CFAP52: variants seen among roughly 807,000 people sequenced by gnomAD.
The protein encoded by CFAP52 is cilia and flagella associated protein 52.
CFAP52 carries 57 observed loss-of-function variants against 70.5 expected under a neutral mutation model. The observed-to-expected ratio is 0.81, with a 90% CI of 0.65 to 1.01. The LOEUF (loss-of-function observed/expected upper bound fraction) is 1.01. CFAP52 is among the 50% of genes least tolerant of loss of function. The pLI is 0.00. For synonymous variants in CFAP52, 267 were observed against 292.5 expected (o/e 0.91, Z 0.89); for missense variants, 785 against 788.5 (o/e 1.00, Z 0.05).
At chr17:9,604,693 G>A (rs754523247) in intron 6 of CFAP52, among the ~76,000 whole-genome samples, 11 of 151,350 alleles carry the variant, frequency 7.3e-5, no homozygotes, top group Admixed American at 5.9e-4. Context: ...ACTTGAACCC[G>A]GCAGTGAGAT....
Position 9,641,324 on chromosome 17 carries a change from C to A in CFAP52, c.1576-400C>A, listed in dbSNP as rs552599279. 8.5e-5 allele frequency among the ~76,000 whole-genome samples: 13 copies of A among 152,268 alleles called. No individual in the cohort carries two copies. In the South Asian group the frequency reaches 2.7e-3, roughly 32 times the overall value. ...TGCCTGTACAGCCCAGTCTCTAGAACTCTGGGGAGTGGGGAGTGCTCATCC... is the reference window on the plus strand; with the variant it reads ...TGCCTGTACAGCCCAGTCTCTAGAAATCTGGGGAGTGGGGAGTGCTCATCC... On this transcript the variant is annotated intron_variant, in intron 12 of 13. Coordinates refer to ENST00000352665, the MANE Select transcript of CFAP52 (RefSeq NM_145054.5).
chr17:9,615,926 C>G (rs929950785), intron 8 of CFAP52, among the ~76,000 whole-genome samples: 5 of 149,630 alleles, frequency 3.3e-5, no homozygotes, highest in African/African-American at 9.8e-5. Context: ...AGATTATAGG[C>G]ATGAGCCACT....
chr17:9,638,463 G>A, intron 11 of CFAP52, 146 bp from the exon 12 acceptor site: 2 of 672,226 alleles, frequency 3.0e-6, no homozygotes, highest in Non-Finnish European at 5.2e-6. Flanking sequence ...AGAAATACAA[G>A]CACCACTTTG....
Position 9,600,175 on chromosome 17 carries a change from T to G in CFAP52, c.745T>G (p.Phe249Val). The G allele has an allele frequency of 1.2e-6, 2 of 1,613,822 alleles. No homozygotes were observed. The highest frequency in any genetic ancestry group is 1.7e-6 in the Non-Finnish European group (2 of 1,179,792). ...LTDVGPAKDK[F>V]SLGVSAIRCL... is the part of the protein sequence containing the mutation. ...AGATGTTGGGCCTGCGAAGGACAAATTCAGTTTGGTGAGTAGAGACCATCG... is the reference window on the plus strand; with the variant it reads ...AGATGTTGGGCCTGCGAAGGACAAAGTCAGTTTGGTGAGTAGAGACCATCG... The change falls in exon 6 of 14, where the codon TTC (phenylalanine) becomes GTC (valine). Residue 249 changes from phenylalanine to valine, a missense_variant. Physicochemically the swap from Phe to Val is conservative, Grantham distance 50 (BLOSUM62 -1). Coordinates refer to ENST00000352665, the MANE Select transcript of CFAP52 (RefSeq NM_145054.5).
intron 1 of CFAP52, among the ~76,000 whole-genome samples, chr17:9,581,867 G>A (rs1908242909): frequency 6.6e-6 from 1 of 152,164 alleles, no homozygotes. Context: ...CACTCTTATA[G>A]GAGTGATGCA....
intron 6 of CFAP52, among the ~76,000 whole-genome samples, chr17:9,603,069 C>T (rs1002516843): frequency 4.6e-5 from 7 of 152,178 alleles, no homozygotes; most frequent in African/African-American, 1.7e-4. Context: ...TACCTGAAAA[C>T]TAGTGGATTT....
intron 5 of CFAP52, 46 bp downstream of exon 5, chr17:9,598,379 GT>G: frequency 6.6e-7 from 1 of 1,524,346 alleles, no homozygotes; most frequent in Non-Finnish European, 9.1e-7. Flanking sequence ...ACACGTTCCT[GT>G]TAGCAGTGCT....
At chr17:9,588,348 C>T (rs1250374815) in intron 3 of CFAP52, among the ~76,000 whole-genome samples, 1 of 152,082 alleles carries the variant, frequency 6.6e-6, no homozygotes, top group Non-Finnish European at 1.5e-5. Flanking sequence ...AAGGGGGAGC[C>T]AGGACACAGC....
At chr17:9,622,004 T>C (rs541822589) in intron 8 of CFAP52, among the ~76,000 whole-genome samples, 12 of 148,622 alleles carry the variant, frequency 8.1e-5, no homozygotes, top group African/African-American at 2.7e-4. Context: ...TAGAGTATAA[T>C]AAAAAAATAA....
chr17:9,578,987 GAGGCAT>G (rs1260646486), intron 1 of CFAP52, among the ~76,000 whole-genome samples: 1 of 152,176 alleles, frequency 6.6e-6, no homozygotes, highest in African/African-American at 2.4e-5. Context: ...GGGGTATAAT[GAGGCAT>G]GTCTGACCTC....
At chr17:9,645,467 C>CGCGGG (rs1353728020), downstream of CFAP52, 6 of 579,274 alleles carry the variant, frequency 1.0e-5, no homozygotes, top group East Asian at 5.6e-5. The surrounding 1 kb of genome is among the most constrained non-coding windows in gnomAD (Gnocchi z 6.8). Context: ...CGGATTCCCG[C>CGCGGG]GCGGGGCGGG....
intron 7 of CFAP52, among the ~76,000 whole-genome samples, chr17:9,609,600 G>C (rs963351846): frequency 1.3e-5 from 2 of 152,200 alleles, no homozygotes; most frequent in African/African-American, 4.8e-5. Context: ...GGAGGCTGAA[G>C]CGGGAGGATT....
At chr17:9,601,333 G>A (rs1239888414) in intron 6 of CFAP52, among the ~76,000 whole-genome samples, 1 of 151,774 alleles carries the variant, frequency 6.6e-6, no homozygotes, top group African/African-American at 2.4e-5. Context: ...AATGGGTGCA[G>A]CACACCAACA....
chr17:9,636,626 C>A (rs1241643321), intron 11 of CFAP52, among the ~76,000 whole-genome samples: 1 of 152,122 alleles, frequency 6.6e-6, no homozygotes, highest in East Asian at 1.9e-4. Flanking sequence ...CGAGGCACTG[C>A]CTCTATATCA....
chr17:9,624,649 T>C (rs1274341238), intron 8 of CFAP52, among the ~76,000 whole-genome samples: 1 of 152,206 alleles, frequency 6.6e-6, no homozygotes, highest in Non-Finnish European at 1.5e-5. Context: ...TTTTGTCTGC[T>C]AATCCAGTAC....
At chr17:9,626,213 G>A (rs1246175189) in intron 8 of CFAP52, among the ~76,000 whole-genome samples, 1 of 152,158 alleles carries the variant, frequency 6.6e-6, no homozygotes, top group Admixed American at 6.6e-5. Flanking sequence ...AGGCCATCAA[G>A]TGTAGAGAGT....
At chr17:9,644,587 G>T (rs1343337292), downstream of CFAP52, 1 of 152,082 alleles carries the variant, frequency 6.6e-6, no homozygotes, top group African/African-American at 2.4e-5. Context: ...GATAAAGTGA[G>T]GGGTGGGGGA....
intron 13 of CFAP52, 55 bp downstream of exon 13, chr17:9,641,890 AAGGAACTCCC>A: frequency 2.7e-6 from 4 of 1,490,128 alleles, no homozygotes; most frequent in Non-Finnish European, 3.7e-6. Flanking sequence ...GAGGACATGG[AAGGAACTCCC>A]AGGCTAGAGG....
At chr17:9,584,606 G>A (rs1908369383) in intron 1 of CFAP52, among the ~76,000 whole-genome samples, 1 of 38,232 alleles carries the variant, frequency 2.6e-5, no homozygotes, top group Admixed American at 4.4e-4. Flanking sequence ...GATTAATGCA[G>A]TATTTTTTTT....
Sources: allele counts gnomAD v4.1 joint callset (sites outside exome capture counted in the v4.1 genomes callset), GRCh38; gene constraint gnomAD v4.1.1; non-coding constraint Gnocchi (gnomAD v3.1); transcripts MANE v1.5; gene names NCBI Gene and HGNC (gene_info 2026-07-23, HGNC 2026-07-21).